The following PICALM variants were observed in gnomAD, a reference collection of about 807,000 sequenced individuals.
PICALM encodes phosphatidylinositol-binding clathrin assembly protein.
In PICALM, 40 loss-of-function variants were observed where a neutral mutation model predicts 80.5. The observed-to-expected ratio is 0.50, with a 90% CI of 0.39 to 0.65. The LOEUF (loss-of-function observed/expected upper bound fraction) is 0.65, where lower values mean the gene tolerates loss of function less well. Ranked by LOEUF, PICALM falls within the 30% of genes least tolerant of loss-of-function variation. The pLI is 0.00. For synonymous variants in PICALM, 288 were observed against 260.3 expected (o/e 1.11, Z -1.02); for missense variants, 676 against 778.9 (o/e 0.87, Z 1.57).
At chr11:86,005,775 CAA>C (rs573132171) in intron 8 of PICALM, among the ~76,000 whole-genome samples, 12 of 127,832 alleles carry the variant, frequency 9.4e-5, no homozygotes, top group Admixed American at 4.0e-4. Context: ...AAGAAATTAC[CAA>C]AAAAAAAAAA....
intron 1 of PICALM, 47 bp from the exon 2 acceptor site, chr11:86,031,658 T>C: frequency 7.1e-7 from 1 of 1,418,326 alleles, no homozygotes; most frequent in Non-Finnish European, 9.7e-7. Flanking sequence ...GTGGTTTTAA[T>C]TTATTGTTAA....
In PICALM at chr11:86,010,322, A is replaced by G. The variant is rs146999078; in HGVS notation, c.765+708T>C. ...ACACAAAATCCATTTCTGTCGGGGAACAAAAGCTTTTTTTTTTTTTTTGAG... is the reference window on the plus strand; with the variant it reads ...ACACAAAATCCATTTCTGTCGGGGAGCAAAAGCTTTTTTTTTTTTTTTGAG... On this transcript the variant is annotated intron_variant, in intron 7 of 19. Transcript: ENST00000393346. Among the ~76,000 whole-genome samples, 467 of 149,934 alleles carry G rather than the reference A, an allele frequency of 3.1e-3. 2 individuals are homozygous for G. Among genetic ancestry groups the G allele is most frequent in the Non-Finnish European group, 5.0e-3 (335 of 67,216 alleles).
At position 85,957,825 on chromosome 11, in the gene PICALM, C is replaced by G. The variant is rs531461791; in HGVS notation, c.*1221G>C. 1 of 222,752 alleles carries G rather than the reference C, an allele frequency of 4.5e-6. No individual in the cohort carries two copies. The highest frequency in any genetic ancestry group is 9.0e-6 in the Non-Finnish European group (1 of 111,266). The allele number at this position is 222,752 out of a possible 1,614,324, so 13.8% of individuals were successfully genotyped here. The stretch of plus-strand genomic sequence containing the variant: ...TACAGAATTGCTTTCCTACAATGAA[C>G]TGTCCTTCTTAAGGCCCCTCTCCAC... On this transcript the variant is annotated 3_prime_UTR_variant, in exon 20 of 20. Coordinates refer to ENST00000393346, the MANE Select transcript of PICALM (RefSeq NM_007166.4).
intron 5 of PICALM, among the ~76,000 whole-genome samples, chr11:86,013,593 G>C (rs1268757516): frequency 6.6e-6 from 1 of 152,042 alleles, no homozygotes; most frequent in East Asian, 1.9e-4. Context: ...CTATCAACAG[G>C]AGGATTAGAT....
chr11:86,031,505 G>C lies in PICALM; in HGVS notation c.237C>G (p.Leu79=). 6.2e-7 allele frequency: 1 copy of C among 1,612,580 alleles called. No individual in the cohort carries two copies. Residue 79 remains leucine, a synonymous_variant, in exon 2 of 20, where the codon CTC becomes CTG. Transcript: ENST00000393346. ...ACACCATCAAATGATGAGTTGTAAT[G>C]AGAGATTTGAAGACCACCACCCAAC... The part of the protein sequence containing the change: ...NSSWVVVFKS[L]ITTHHLMVYG...
At position 86,000,691 on chromosome 11, in the gene PICALM, A is replaced by G. The variant is rs1294275394; in HGVS notation, c.1106T>C (p.Met369Thr). 1.9e-6 allele frequency: 3 copies of G among 1,612,378 alleles called. No homozygotes were observed. The highest frequency in any genetic ancestry group is 2.5e-6 in the Non-Finnish European group (3 of 1,179,652). The change falls in exon 11 of 20, where the codon ATG becomes ACG. Residue 369 changes from methionine (M) to threonine (T), a missense_variant. This residue lies in a region of PICALM where 391 missense variants were observed against 383.6 expected (regional missense o/e 1.02). Transcript: ENST00000393346. ...AAATATGTCAATGGCTGGTGCAGTC[A>G]TTATCCCTCCTGCTGAGGTGGATAC... Reference protein sequence around the residue: ...SPVSTSAGGIMTAPAIDIFST... With the variant: ...SPVSTSAGGITTAPAIDIFST...
intron 12 of PICALM, 150 bp downstream of exon 12, chr11:85,996,676 C>A (rs574099432): frequency 2.3e-5 from 12 of 532,258 alleles, no homozygotes; most frequent in Non-Finnish European, 3.6e-5. Context: ...AATGAACATA[C>A]CTTCAAGGGA....
chr11:85,989,525 CAG>C (rs1028210407), intron 13 of PICALM, among the ~76,000 whole-genome samples: 1 of 152,124 alleles, frequency 6.6e-6, no homozygotes, highest in African/African-American at 2.4e-5. Context: ...TGAGGGGGAG[CAG>C]AGTTAGCATC....
intron 8 of PICALM, among the ~76,000 whole-genome samples, chr11:86,005,477 G>C (rs183755205): frequency 6.6e-6 from 1 of 152,282 alleles, no homozygotes; most frequent in East Asian, 1.9e-4. Flanking sequence ...ATAGAGGTGA[G>C]ATGACTGCTT....
At chr11:85,995,521 G>A (rs950146581) in intron 12 of PICALM, among the ~76,000 whole-genome samples, 7 of 152,102 alleles carry the variant, frequency 4.6e-5, no homozygotes, top group Admixed American at 1.3e-4. Flanking sequence ...GTTGTACATG[G>A]TGTCCAGACA....
chr11:86,009,366 A>G (rs2095348585), intron 7 of PICALM, among the ~76,000 whole-genome samples: 1 of 151,334 alleles, frequency 6.6e-6, no homozygotes, highest in Non-Finnish European at 1.5e-5. Flanking sequence ...GAATAAGTTA[A>G]CAGCAGATCT....
At chr11:86,022,983 G>A (rs972664187) in intron 3 of PICALM, among the ~76,000 whole-genome samples, 4 of 152,224 alleles carry the variant, frequency 2.6e-5, no homozygotes, top group South Asian at 2.1e-4. Context: ...AGTTCAGGGT[G>A]TAACAAAAAC....
rs184803326 is a variant in PICALM at position 85,959,915 on chromosome 11, G to A, written c.1945-855C>T. Among the ~76,000 whole-genome samples, 133 of 152,264 alleles carry A rather than the reference G, an allele frequency of 8.7e-4. 2 individuals are homozygous for A. The Middle Eastern group carries it at 0.014, about 16-fold the overall frequency. ...ACTGCTAAAAATAGAGGAATAGCATGTGGAGGAGGAAAAGAAAGAAGATCA... is the reference window on the plus strand; with the variant it reads ...ACTGCTAAAAATAGAGGAATAGCATATGGAGGAGGAAAAGAAAGAAGATCA... On this transcript the variant is annotated intron_variant, in intron 19 of 19. Transcript: ENST00000393346.
intron 3 of PICALM, among the ~76,000 whole-genome samples, chr11:86,024,396 C>T (rs1216872526): frequency 6.7e-6 from 1 of 148,154 alleles, no homozygotes; most frequent in East Asian, 2.0e-4. Flanking sequence ...CACCTCCAAA[C>T]TCAAATACAG....
At chr11:85,959,902 A>T (rs673751) in intron 19 of PICALM, among the ~76,000 whole-genome samples, 2 of 151,844 alleles carry the variant, frequency 1.3e-5, no homozygotes, top group African/African-American at 4.8e-5. Flanking sequence ...TGCTAAAAAT[A>T]GAGGAATAGC....
At chr11:85,981,659 G>A (rs2094446516) in intron 16 of PICALM, 86 bp downstream of exon 16, 3 of 1,019,854 alleles carry the variant, frequency 2.9e-6, no homozygotes, top group Admixed American at 2.0e-5. Context: ...ATTTTTGAGA[G>A]GAAAGCCAAA....
intron 19 of PICALM, among the ~76,000 whole-genome samples, chr11:85,962,962 G>A (rs1236152999): frequency 6.6e-6 from 1 of 152,130 alleles, no homozygotes; most frequent in African/African-American, 2.4e-5. Context: ...GAGAAGGAAA[G>A]GAAATGTGCT....
chr11:85,990,984 C>G (rs1194428276), intron 12 of PICALM, among the ~76,000 whole-genome samples: 1 of 152,066 alleles, frequency 6.6e-6, no homozygotes, highest in Non-Finnish European at 1.5e-5. Flanking sequence ...TAATAGACTG[C>G]GAACACCTTT....
upstream of PICALM, chr11:86,069,174 C>T (rs1344644047): frequency 1.9e-5 from 4 of 209,998 alleles, no homozygotes; most frequent in Non-Finnish European, 3.9e-5. Flanking sequence ...CCCCTTTCCC[C>T]TTCCCTTTCC....
Sources: allele counts gnomAD v4.1 joint callset (sites outside exome capture counted in the v4.1 genomes callset), GRCh38; gene constraint gnomAD v4.1.1; regional missense constraint gnomAD v4.1.1; transcripts MANE v1.5; gene names NCBI Gene and HGNC (gene_info 2026-07-23, HGNC 2026-07-21).